Variants in PKHD1 observed in about 807,000 individuals in gnomAD.
PKHD1 encodes fibrocystin.
Under a neutral mutation model 412.0 loss-of-function variants are expected in PKHD1, and 291 were observed. That is an observed-to-expected ratio of 0.71 (90% CI 0.64 to 0.78). The LOEUF is 0.78. PKHD1 is among the 30% of genes least tolerant of loss of function. The probability of loss-of-function intolerance (pLI) is 0.00; values close to 1 mark genes in which losing one functional copy is unlikely to be tolerated. For synonymous variants in PKHD1, 1,777 were observed against 1,821.5 expected (o/e 0.98, Z 0.62); for missense variants, 4,825 against 4,950.7 (o/e 0.97, Z 0.76).
intron 50 of PKHD1, among the ~76,000 whole-genome samples, chr6:51,845,098 C>T (rs1223200411): frequency 6.6e-6 from 1 of 152,188 alleles, no homozygotes; most frequent in Non-Finnish European, 1.5e-5. Flanking sequence ...TGGCACAGAA[C>T]TGGAACTCTA....
chr6:52,079,850 G>T, intron 5 of PKHD1, 50 bp downstream of exon 5: 3 of 1,059,220 alleles, frequency 2.8e-6, no homozygotes, highest in South Asian at 1.2e-5. Context: ...AATAACACAA[G>T]CACACCCTTA....
intron 55 of PKHD1, among the ~76,000 whole-genome samples, chr6:51,761,800 T>C (rs1030033188): frequency 6.6e-6 from 1 of 151,738 alleles, no homozygotes; most frequent in African/African-American, 2.4e-5. Context: ...GGATGTCTTA[T>C]ATATTTTCTT....
intron 36 of PKHD1, among the ~76,000 whole-genome samples, chr6:51,956,953 G>C (rs1331000397): frequency 6.6e-6 from 1 of 152,092 alleles, no homozygotes; most frequent in African/African-American, 2.4e-5. Context: ...TTCCACTGGA[G>C]GTTTTGAGGA....
chr6:51,759,976 T>C (rs965501230), intron 55 of PKHD1, among the ~76,000 whole-genome samples: 5 of 152,080 alleles, frequency 3.3e-5, no homozygotes, highest in African/African-American at 1.2e-4. Flanking sequence ...AGTAGTGAAT[T>C]TGGCAATAGA....
At chr6:51,858,084 GAATCAGAATGAA>G (rs1198161862) in intron 48 of PKHD1, among the ~76,000 whole-genome samples, 1 of 146,382 alleles carries the variant, frequency 6.8e-6, no homozygotes, top group African/African-American at 2.5e-5. Flanking sequence ...TATATTCTTA[GAATCAGAATGAA>G]CACAAAGATC....
chr6:51,900,262 T>A (rs1781013058), intron 43 of PKHD1, among the ~76,000 whole-genome samples: 1 of 152,184 alleles, frequency 6.6e-6, no homozygotes, highest in Admixed American at 6.5e-5. Flanking sequence ...CCTACCTGAC[T>A]TCAAACTATA....
intron 43 of PKHD1, among the ~76,000 whole-genome samples, chr6:51,896,208 G>A (rs1161697318): frequency 6.6e-6 from 1 of 150,718 alleles, no homozygotes. Flanking sequence ...CTCCACCTCT[G>A]GGGGCAGGGC....
chr6:52,040,293 C>T (rs1410750847), intron 27 of PKHD1, among the ~76,000 whole-genome samples: 1 of 151,968 alleles, frequency 6.6e-6, no homozygotes, highest in Non-Finnish European at 1.5e-5. Context: ...AAAAGAGATC[C>T]TTGGGGTAAA....
rs148669373 is a variant in PKHD1, at chr6:51,914,123, CAATT to C, written c.6122-1551_6122-1548del. Reference sequence around the variant, plus strand: ...CTCTGTGATCAGTATTCACAATTCTCAATTAATATGCAACAAATACCTGCTATGT... The same window carrying C: ...CTCTGTGATCAGTATTCACAATTCTCAATATGCAACAAATACCTGCTATGT... On this transcript the variant is annotated intron_variant, in intron 37 of 66. Transcript: ENST00000371117. Among the ~76,000 whole-genome samples, 1,112 of 152,170 alleles carry C rather than the reference CAATT, an allele frequency of 7.3e-3. 15 individuals are homozygous for C. The highest frequency in any genetic ancestry group is 0.026 in the African/African-American group (1,064 of 41,522).
At chr6:51,910,473 G>A (rs1782773346) in intron 39 of PKHD1, among the ~76,000 whole-genome samples, 1 of 152,102 alleles carries the variant, frequency 6.6e-6, no homozygotes. Context: ...AAATGGACAG[G>A]CCTTGTGTTA....
intron 35 of PKHD1, among the ~76,000 whole-genome samples, chr6:51,988,920 G>A (rs1380283091): frequency 6.6e-6 from 1 of 152,170 alleles, no homozygotes; most frequent in Admixed American, 6.5e-5. Context: ...GCCAACTAAC[G>A]ATGAGCCTGC....
intron 51 of PKHD1, among the ~76,000 whole-genome samples, chr6:51,834,531 T>A (rs763178792): frequency 6.6e-6 from 1 of 152,100 alleles, no homozygotes; most frequent in South Asian, 2.1e-4. Flanking sequence ...TTAACACAGA[T>A]AGATGTGTTA....
intron 46 of PKHD1, among the ~76,000 whole-genome samples, chr6:51,872,875 C>CTTTTTTTTTTTTTTTTTTTTTTTTT (rs33953182): frequency 1.2e-5 from 1 of 81,492 alleles, no homozygotes; most frequent in African/African-American, 5.2e-5. Context: ...CCATCGTTTC[C>CTTTTTTTTTTTTTTTTTTTTTTTTT]TTTTTTTTTT....
At chr6:51,756,911 C>T (rs1294058936) in intron 55 of PKHD1, among the ~76,000 whole-genome samples, 6 of 152,122 alleles carry the variant, frequency 3.9e-5, no homozygotes, top group Non-Finnish European at 1.5e-5. Context: ...GAGGTGGATT[C>T]GGGATGAAAC....
chr6:51,857,039 T>G (rs1176108207), intron 48 of PKHD1, among the ~76,000 whole-genome samples: 1 of 152,200 alleles, frequency 6.6e-6, no homozygotes, highest in Non-Finnish European at 1.5e-5. Flanking sequence ...AAAAGCAATA[T>G]GTGAGTATCA....
intron 60 of PKHD1, among the ~76,000 whole-genome samples, chr6:51,736,291 A>T (rs1562194993): frequency 6.6e-6 from 1 of 152,218 alleles, no homozygotes; most frequent in Non-Finnish European, 1.5e-5. Context: ...TAGATCACAC[A>T]TGAAAATCAT....
At position 51,745,894 on chromosome 6, in the gene PKHD1, T is replaced by C. The variant is rs140144767; in HGVS notation, c.9998+827A>G. Among the ~76,000 whole-genome samples the C allele has an allele frequency of 1.2e-4, 19 of 152,286 alleles. No individual in the cohort carries two copies. The East Asian group carries it at 2.5e-3, about 20-fold the overall frequency. ...ACAACACAAATTGCCTACCTACTCA[T>C]GTTTAGGTACCTAATCATGATTCAG... On this transcript the variant is annotated intron_variant, in intron 59 of 66. Transcript: ENST00000371117.
intron 43 of PKHD1, among the ~76,000 whole-genome samples, chr6:51,898,352 T>A (rs1442471094): frequency 1.7e-4 from 25 of 147,792 alleles, no homozygotes; most frequent in Middle Eastern, 3.4e-3. Flanking sequence ...AACTCAGGAT[T>A]AAGAATCTCA....
chr6:51,862,885 A>T (rs1774429666), intron 48 of PKHD1, among the ~76,000 whole-genome samples: 1 of 152,198 alleles, frequency 6.6e-6, no homozygotes, highest in South Asian at 2.1e-4. Context: ...ATTACAAATT[A>T]TTCCCTATTT....
Sources: allele counts gnomAD v4.1 joint callset (sites outside exome capture counted in the v4.1 genomes callset), GRCh38; gene constraint gnomAD v4.1.1; transcripts MANE v1.5; gene names NCBI Gene and HGNC (gene_info 2026-07-23, HGNC 2026-07-21).